The following BACH2 variants were observed in gnomAD, a reference collection of about 807,000 sequenced individuals.
The protein encoded by BACH2 is transcription regulator protein BACH2.
In BACH2, 5 loss-of-function variants were observed where a neutral mutation model predicts 61.8. The observed-to-expected ratio is 0.08, with a 90% confidence interval of 0.04 to 0.17. The LOEUF (loss-of-function observed/expected upper bound fraction) is 0.17. Ranked by LOEUF, BACH2 falls within the 10% of genes least tolerant of loss-of-function variation. The pLI is 1.00. For synonymous variants in BACH2, 446 were observed against 440.1 expected, an observed-to-expected ratio of 1.01 and a Z score of -0.17; for missense variants, 824 against 1,091.1, an observed-to-expected ratio of 0.76 and a Z score of 3.45.
At chr6:90,166,104 C>T (rs1475729976) in intron 4 of BACH2, among the ~76,000 whole-genome samples, 5 of 152,002 alleles carry the variant, frequency 3.3e-5, no homozygotes, top group South Asian at 4.2e-4. Flanking sequence ...AAAGAAACTA[C>T]CATCAGAGTG....
chr6:89,962,070 CTCTT>C (rs1351794246), intron 6 of BACH2, among the ~76,000 whole-genome samples: 3 of 152,126 alleles, frequency 2.0e-5, no homozygotes, highest in East Asian at 1.9e-4. Flanking sequence ...CCACTTTCTT[CTCTT>C]TGTTTTGCAA....
intron 4 of BACH2, among the ~76,000 whole-genome samples, chr6:90,196,057 C>G (rs1768747536): frequency 6.6e-6 from 1 of 151,810 alleles, no homozygotes. Flanking sequence ...CTTTAGGTAA[C>G]TTGCCCAAGA....
At chr6:90,224,133 T>C (rs1769833734) in intron 3 of BACH2, among the ~76,000 whole-genome samples, 1 of 152,224 alleles carries the variant, frequency 6.6e-6, no homozygotes, top group African/African-American at 2.4e-5. Context: ...AATCTCATAA[T>C]ATGCCTCAAA....
intron 1 of BACH2, among the ~76,000 whole-genome samples, chr6:90,295,153 G>C (rs1188408335): frequency 6.6e-6 from 1 of 152,116 alleles, no homozygotes; most frequent in South Asian, 2.1e-4. Context: ...GGTCCCTCTC[G>C]TTTCCTGGAG....
At chr6:90,209,528 G>A (rs1249568749) in intron 3 of BACH2, among the ~76,000 whole-genome samples, 1 of 152,166 alleles carries the variant, frequency 6.6e-6, no homozygotes, top group Non-Finnish European at 1.5e-5. Context: ...AAAAACTACA[G>A]CCTAGCACTT....
In BACH2 at chr6:90,167,995, C is replaced by A. The variant is rs530497300; in HGVS notation, c.-162+38574G>T. Among the ~76,000 whole-genome samples the A allele has an allele frequency of 1.6e-4, 24 of 152,324 alleles. No individual in the cohort carries two copies. The South Asian group carries it at 5.0e-3, about 32-fold the overall frequency. On this transcript the variant is annotated intron_variant, in intron 4 of 8. Transcript: ENST00000257749. ...ACCTAGAAAATCACTTTCTAGGAAT[C>A]TAGCCTAAGGAATCACTGGCTATAT...
intron 2 of BACH2, among the ~76,000 whole-genome samples, chr6:90,254,288 T>C (rs927886628): frequency 5.9e-5 from 9 of 151,904 alleles, no homozygotes; most frequent in African/African-American, 1.7e-4. Context: ...AATTTGTTCA[T>C]GAAAAAATGA....
intron 3 of BACH2, among the ~76,000 whole-genome samples, chr6:90,252,115 A>G (rs1473501224): frequency 6.6e-6 from 1 of 152,254 alleles, no homozygotes; most frequent in Non-Finnish European, 1.5e-5. Flanking sequence ...CTGAGCAAAC[A>G]TGAACATCAC....
chr6:90,195,790 A>G (rs935615497), intron 4 of BACH2, among the ~76,000 whole-genome samples: 1 of 152,210 alleles, frequency 6.6e-6, no homozygotes, highest in South Asian at 2.1e-4. Context: ...ATCCAATGCA[A>G]GGCTTGGCTA....
At chr6:89,959,487 A>T (rs1774620725) in intron 6 of BACH2, among the ~76,000 whole-genome samples, 1 of 144,890 alleles carries the variant, frequency 6.9e-6, no homozygotes, top group Non-Finnish European at 1.5e-5. Flanking sequence ...TCCGAAATGT[A>T]CTTGTAGTTT....
chr6:90,132,260 T>C (rs977959368), intron 4 of BACH2, among the ~76,000 whole-genome samples: 2 of 152,176 alleles, frequency 1.3e-5, no homozygotes, highest in Non-Finnish European at 1.5e-5. Flanking sequence ...TTGGTCTTCG[T>C]CTATTTTTTC....
At chr6:90,025,114 C>T (rs60319541) in intron 5 of BACH2, among the ~76,000 whole-genome samples, 16,814 of 152,106 alleles carry the variant, frequency 0.11, 1,006 homozygotes, top group African/African-American at 0.16. Flanking sequence ...ATGAAATCAG[C>T]GGGTGAAAGG....
chr6:90,267,957 T>A (rs770107952), intron 2 of BACH2, among the ~76,000 whole-genome samples: 6 of 151,414 alleles, frequency 4.0e-5, no homozygotes, highest in Admixed American at 1.3e-4. Context: ...CAATTTTTTT[T>A]AAAATAGAAA....
chr6:90,276,653 T>C (rs1375943591), intron 1 of BACH2, among the ~76,000 whole-genome samples: 1 of 152,198 alleles, frequency 6.6e-6, no homozygotes, highest in Non-Finnish European at 1.5e-5. Context: ...CAGTAAAATT[T>C]TGAGAACCAT....
At chr6:90,007,336 G>A (rs1436459564) in intron 6 of BACH2, among the ~76,000 whole-genome samples, 2 of 151,810 alleles carry the variant, frequency 1.3e-5, no homozygotes, top group East Asian at 3.9e-4. Flanking sequence ...GGCCTCCCAA[G>A]TTATTATTTT....
At chr6:90,125,594 T>C (rs1370842046) in intron 4 of BACH2, among the ~76,000 whole-genome samples, 3 of 152,220 alleles carry the variant, frequency 2.0e-5, no homozygotes, top group East Asian at 1.9e-4. Flanking sequence ...GGTGTAAAAC[T>C]GCTTCTCTGC....
At chr6:90,073,667 G>A (rs922072678) in intron 5 of BACH2, among the ~76,000 whole-genome samples, 1 of 152,056 alleles carries the variant, frequency 6.6e-6, no homozygotes, top group African/African-American at 2.4e-5. Context: ...TGACATGAGC[G>A]GACAAGGAAA....
intron 3 of BACH2, among the ~76,000 whole-genome samples, chr6:90,213,062 GTT>G (rs1562507935): frequency 6.6e-6 from 1 of 152,202 alleles, no homozygotes; most frequent in Non-Finnish European, 1.5e-5. Flanking sequence ...CCCCCAAGAG[GTT>G]ACTTGGCCTG....
At chr6:90,250,182 C>T (rs1207099318) in intron 3 of BACH2, among the ~76,000 whole-genome samples, 3 of 152,170 alleles carry the variant, frequency 2.0e-5, no homozygotes, top group South Asian at 2.1e-4. Context: ...GTGACCAGAT[C>T]TGAATGAAAG....
Sources: allele counts gnomAD v4.1 joint callset (sites outside exome capture counted in the v4.1 genomes callset), GRCh38; gene constraint gnomAD v4.1.1; transcripts MANE v1.5; gene names NCBI Gene and HGNC (gene_info 2026-07-23, HGNC 2026-07-21).